The following LRFN3 variants were observed in gnomAD, a reference collection of about 807,000 sequenced individuals.
The protein encoded by LRFN3 is leucine rich repeat and fibronectin type III domain containing 3, also known as leucine-rich repeat and fibronectin type-III domain-containing protein 3.
In LRFN3, 8 loss-of-function variants were observed where a neutral mutation model predicts 23.8. That is an observed-to-expected ratio of 0.34 (90% confidence interval 0.20 to 0.61). The LOEUF (loss-of-function observed/expected upper bound fraction) is 0.61, where lower values mean the gene tolerates loss of function less well. Ranked by LOEUF, LRFN3 falls within the 20% of genes least tolerant of loss-of-function variation. LRFN3 has a pLI of 0.80. For missense variants in LRFN3, 736 were observed against 935.3 expected (o/e 0.79, Z 2.78); for synonymous variants, 451 against 450.6 (o/e 1.00, Z -0.01).
chr19:35,936,377 C>A lies in LRFN3; in HGVS notation c.-1195C>A, dbSNP rs991196363. 3.3e-5 allele frequency among the ~76,000 whole-genome samples: 5 copies of A among 151,934 alleles called. No homozygotes were observed. Among genetic ancestry groups the A allele is most frequent in the African/African-American group, 7.2e-5 (3 of 41,502 alleles). On this transcript the variant is annotated 5_prime_UTR_variant, in exon 1 of 3. Transcript: ENST00000246529. Reference sequence around the variant, plus strand: ...TGCGCGCGGAGCCTGCGCCTTTAAGCGCCGGTGCGCGCGCTGCCCTGGGTT... The same window carrying A: ...TGCGCGCGGAGCCTGCGCCTTTAAGAGCCGGTGCGCGCGCTGCCCTGGGTT...
chr19:35,938,066 C>T (rs761741066), intron 1 of LRFN3, among the ~76,000 whole-genome samples: 5 of 152,190 alleles, frequency 3.3e-5, no homozygotes, highest in Non-Finnish European at 7.3e-5. Context: ...CTTCTCCACC[C>T]CTGAATCTAA....
Position 35,940,390 on chromosome 19 carries a change from AC to A in LRFN3, c.968del (p.Pro323GlnfsTer15). 6.3e-7 allele frequency: 1 copy of A among 1,574,886 alleles called. No homozygotes were observed. Among genetic ancestry groups the A allele is most frequent in the South Asian group, 1.1e-5 (1 of 87,132 alleles). ...PAALRCRAVG[D>X]PEPRVRWVSP... ...GCCCTGCGCTGCCGGGCAGTGGGGG[AC>A]CCAGAGCCCCGTGTGCGTTGGGTGT... On this transcript the variant is annotated frameshift_variant, in exon 2 of 3. Coordinates refer to ENST00000246529, the MANE Select transcript of LRFN3 (RefSeq NM_024509.2). LOFTEE classifies it high-confidence loss of function.
At position 35,939,676 on chromosome 19, in the gene LRFN3, G is replaced by A. The variant is rs1197251083; in HGVS notation, c.251G>A (p.Gly84Asp). The stretch of plus-strand genomic sequence containing the variant: ...CGCCGCGACCTGGCCAACATGACAG[G>A]CCTGCTGCATCTGAGCCTGTCGCGG... The part of the protein sequence containing the change: ...VRRRDLANMT[G>D]LLHLSLSRNT... Residue 84 changes from glycine to aspartate, a missense_variant, in exon 2 of 3, where the codon GGC (glycine) becomes GAC (aspartate). By Grantham distance (94) the Gly-to-Asp change is moderately conservative. Transcript: ENST00000246529. This position sits in a 1 kb window ranked among gnomAD's most constrained non-coding sequence, Gnocchi z 6.4. 6.2e-7 allele frequency: 1 copy of A among 1,607,428 alleles called. No individual in the cohort carries two copies. The highest frequency in any genetic ancestry group is 8.5e-7 in the Non-Finnish European group (1 of 1,179,158).
Position 35,940,321 on chromosome 19 carries a change from C to A in LRFN3, c.896C>A (p.Thr299Asn). 1 of 1,584,916 alleles carries A rather than the reference C, an allele frequency of 6.3e-7. No homozygotes were observed. The highest frequency in any genetic ancestry group is 8.5e-7 in the Non-Finnish European group (1 of 1,170,354). Reference protein sequence around the residue: ...EEFVCEPPVVTHRSPPLAVPA... With the variant: ...EEFVCEPPVVNHRSPPLAVPA... Reference sequence around the variant, plus strand: ...TTTGTCTGCGAGCCGCCCGTGGTGACTCACCGCTCACCACCTCTGGCTGTG... The same window carrying A: ...TTTGTCTGCGAGCCGCCCGTGGTGAATCACCGCTCACCACCTCTGGCTGTG... Residue 299 changes from threonine (T) to asparagine (N), a missense_variant, in exon 2 of 3, where the codon ACT (threonine) becomes AAT (asparagine). Transcript: ENST00000246529.
rs62109676 is a variant in LRFN3, at chr19:35,936,840, G to T, written c.-732G>T. The T allele has an allele frequency of 6.6e-6, 1 of 152,004 alleles. No homozygotes were observed. The highest frequency in any genetic ancestry group is 2.4e-5 in the African/African-American group (1 of 41,384). The allele number at this position is 152,004 out of a possible 1,614,324, so 9.4% of individuals were successfully genotyped here. A position where few individuals can be genotyped will look rare whatever the true frequency, so the allele number is the denominator to read the frequency against. ...CGGCCGTGGAACCCCAAGATCTGGA[G>T]CCTGAACCCCAGTATATGGGGCTGG... On this transcript the variant is annotated 5_prime_UTR_variant, in exon 1 of 3. Transcript: ENST00000246529.
In LRFN3 at chr19:35,945,329, G is replaced by A. The variant is rs1599654967; in HGVS notation, c.*310G>A. ...AGGACCCCGGAGGAGGCTGAGGATG[G>A]CGATCCATTCAGACAATAGATGTTC... On this transcript the variant is annotated 3_prime_UTR_variant, in exon 3 of 3. Transcript: ENST00000246529. The A allele has an allele frequency of 6.7e-6, 2 of 299,728 alleles. No individual in the cohort carries two copies. The highest frequency in any genetic ancestry group is 1.2e-4 in the East Asian group (2 of 16,194). 18.6% of individuals were successfully genotyped at this position (299,728 alleles called of 1,614,324 possible). A position where few individuals can be genotyped will look rare whatever the true frequency, so the allele number is the denominator to read the frequency against.
chr19:35,945,468 G>T lies in LRFN3; in HGVS notation c.*449G>T. On this transcript the variant is annotated 3_prime_UTR_variant, in exon 3 of 3. Coordinates refer to ENST00000246529, the MANE Select transcript of LRFN3 (RefSeq NM_024509.2). ...CAAATGGGAGACAGACACATCCCCA[G>T]ACAGTGATAGCACAGAGTGACCAGG... 1 of 159,036 alleles carries T rather than the reference G, an allele frequency of 6.3e-6. No individual in the cohort carries two copies. The highest frequency in any genetic ancestry group is 1.4e-5 in the Non-Finnish European group (1 of 72,938). The allele number at this position is 159,036 out of a possible 1,614,324, so 9.9% of individuals were successfully genotyped here. A position where few individuals can be genotyped will look rare whatever the true frequency, so the allele number is the denominator to read the frequency against.
Position 35,943,851 on chromosome 19 carries a change from TTGAG to T in LRFN3, c.1416-694_1416-691del, listed in dbSNP as rs1976148068. ...AGCTGGGCTGCAGGCTGGAGGGAAA[TTGAG>T]TGGGCAGTGCAAAAGGGAAATTGGG... On this transcript the variant is annotated intron_variant, in intron 2 of 2. Coordinates refer to ENST00000246529, the MANE Select transcript of LRFN3 (RefSeq NM_024509.2). Among the ~76,000 whole-genome samples the T allele has an allele frequency of 3.3e-5, 5 of 151,352 alleles. No individual in the cohort carries two copies. In the South Asian group the frequency reaches 1.0e-3, roughly 32 times the overall value.
chr19:35,940,954 G>A, intron 2 of LRFN3, 114 bp downstream of exon 2: 1 of 1,337,998 alleles, frequency 7.5e-7, no homozygotes, highest in Non-Finnish European at 9.6e-7. Flanking sequence ...GATGCTGGAA[G>A]GTTCCAAAAG....
intron 2 of LRFN3, among the ~76,000 whole-genome samples, chr19:35,942,722 C>T (rs1976136464): frequency 6.6e-6 from 1 of 152,100 alleles, no homozygotes; most frequent in African/African-American, 2.4e-5. Flanking sequence ...GCACGGAAGT[C>T]CTGCCCCTGA....
chr19:35,943,592 G>A (rs1055129344), intron 2 of LRFN3, among the ~76,000 whole-genome samples: 1 of 152,124 alleles, frequency 6.6e-6, no homozygotes, highest in Non-Finnish European at 1.5e-5. Flanking sequence ...TTTGGCATAG[G>A]CTGCAGGAAA....
chr19:35,944,773 C>T lies in LRFN3; in HGVS notation c.1641C>T (p.Ile547=). Residue 547 remains isoleucine, a synonymous_variant, in exon 3 of 3, where the codon ATC becomes ATT. Coordinates refer to ENST00000246529, the MANE Select transcript of LRFN3 (RefSeq NM_024509.2). This position sits in a 1 kb window ranked among gnomAD's most constrained non-coding sequence, Gnocchi z 4.5. ...GTMIIALGGV[I]VASVLVFIFV... is the part of the protein sequence containing the mutation. The stretch of plus-strand genomic sequence containing the variant: ...TGATCATCGCGCTGGGCGGCGTCAT[C>T]GTAGCCTCGGTACTGGTCTTCATCT... 1 of 1,610,526 alleles carries T rather than the reference C, an allele frequency of 6.2e-7. No individual in the cohort carries two copies. Among genetic ancestry groups the T allele is most frequent in the Non-Finnish European group, 8.5e-7 (1 of 1,178,868 alleles).
Position 35,944,622 on chromosome 19 carries a change from T to C in LRFN3, c.1490T>C (p.Leu497Pro). 6.4e-7 allele frequency: 1 copy of C among 1,559,880 alleles called. No individual in the cohort carries two copies. The highest frequency in any genetic ancestry group is 1.9e-5 in the Admixed American group (1 of 53,304). Residue 497 changes from leucine (L) to proline (P), a missense_variant, in exon 3 of 3, where the codon CTC (leucine) becomes CCC (proline). By Grantham distance (98) the Leu-to-Pro change is moderately conservative. Coordinates refer to ENST00000246529, the MANE Select transcript of LRFN3 (RefSeq NM_024509.2). This position sits in a 1 kb window ranked among gnomAD's most constrained non-coding sequence, Gnocchi z 4.5. ...GGCCGGACCTACGATCTGTGCGTGC[T>C]CGCCGTGTATGAGGACAGCGCCACG... ...ASGRTYDLCV[L>P]AVYEDSATGL...
In LRFN3 at chr19:35,939,757, C is replaced by T; in HGVS notation, c.332C>T (p.Ala111Val). The T allele has an allele frequency of 1.9e-6, 3 of 1,604,842 alleles. No homozygotes were observed. The highest frequency in any genetic ancestry group is 1.7e-5 in the Admixed American group (1 of 59,946). The change falls in exon 2 of 3, where the codon GCC (alanine) becomes GTC (valine). Residue 111 changes from alanine (A) to valine (V), a missense_variant. Coordinates refer to ENST00000246529, the MANE Select transcript of LRFN3 (RefSeq NM_024509.2). This position sits in a 1 kb window ranked among gnomAD's most constrained non-coding sequence, Gnocchi z 6.4. ...GAFADLRALR[A>V]LHLDGNRLTS... ...TTCGCCGACCTGCGGGCCCTGCGTGCCCTGCACCTGGATGGCAACCGGCTG... is the reference window on the plus strand; with the variant it reads ...TTCGCCGACCTGCGGGCCCTGCGTGTCCTGCACCTGGATGGCAACCGGCTG...
Position 35,940,775 on chromosome 19 carries a change from T to C in LRFN3, c.1350T>C (p.Pro450=). The C allele has an allele frequency of 6.2e-7, 1 of 1,611,052 alleles. No homozygotes were observed. The highest frequency in any genetic ancestry group is 8.5e-7 in the Non-Finnish European group (1 of 1,178,162). ...TTGTCCAGTGGCCGGATCAGCGGCC[T>C]ATCCCGGGCATCCGCATGTACCAGA... ...AALVQWPDQR[P]IPGIRMYQIQ... is the part of the protein sequence containing the mutation. The change falls in exon 2 of 3, where the codon CCT becomes CCC. Residue 450 remains proline, a synonymous_variant. Transcript: ENST00000246529.
At chr19:35,937,819 C>G (rs563429396) in intron 1 of LRFN3, among the ~76,000 whole-genome samples, 1 of 152,164 alleles carries the variant, frequency 6.6e-6, no homozygotes, top group Non-Finnish European at 1.5e-5. Context: ...GCTGTCTATC[C>G]GGTCCGACCG....
In LRFN3 at chr19:35,944,663, C is replaced by T. The variant is rs1220847450; in HGVS notation, c.1531C>T (p.Arg511Trp). ...EDSATGLTAT[R>W]PVGCARFSTE... Reference sequence around the variant, plus strand: ...CAGCGCCACGGGGCTCACGGCCACGCGGCCTGTGGGCTGCGCCCGCTTCTC... The same window carrying T: ...CAGCGCCACGGGGCTCACGGCCACGTGGCCTGTGGGCTGCGCCCGCTTCTC... The change falls in exon 3 of 3, where the codon CGG becomes TGG. Residue 511 changes from arginine to tryptophan, a missense_variant. Coordinates refer to ENST00000246529, the MANE Select transcript of LRFN3 (RefSeq NM_024509.2). This position sits in a 1 kb window ranked among gnomAD's most constrained non-coding sequence, Gnocchi z 4.5. The T allele has an allele frequency of 7.5e-6, 12 of 1,596,824 alleles. No homozygotes were observed. The Admixed American group carries it at 1.7e-4, about 23-fold the overall frequency.
Position 35,944,625 on chromosome 19 carries a change from C to A in LRFN3, c.1493C>A (p.Ala498Asp). ...CGGACCTACGATCTGTGCGTGCTCG[C>A]CGTGTATGAGGACAGCGCCACGGGG... Reference protein sequence around the residue: ...SGRTYDLCVLAVYEDSATGLT... With the variant: ...SGRTYDLCVLDVYEDSATGLT... Residue 498 changes from alanine (A) to aspartate (D), a missense_variant, in exon 3 of 3, where the codon GCC becomes GAC. Transcript: ENST00000246529. The surrounding 1 kb of genome is among the most constrained non-coding windows in gnomAD (Gnocchi z 4.5). 6.4e-7 allele frequency: 1 copy of A among 1,564,772 alleles called. No homozygotes were observed. The highest frequency in any genetic ancestry group is 8.6e-7 in the Non-Finnish European group (1 of 1,162,244).
chr19:35,941,861 A>G (rs1027667621), intron 2 of LRFN3, among the ~76,000 whole-genome samples: 19 of 150,374 alleles, frequency 1.3e-4, no homozygotes, highest in Admixed American at 1.1e-3. Flanking sequence ...GGCGTGAACC[A>G]CCACACCCAG....
Sources: allele counts gnomAD v4.1 joint callset (sites outside exome capture counted in the v4.1 genomes callset), GRCh38; gene constraint gnomAD v4.1.1; non-coding constraint Gnocchi (gnomAD v3.1); transcripts MANE v1.5; gene names NCBI Gene and HGNC (gene_info 2026-07-23, HGNC 2026-07-21).